The following GPLD1 variants were observed in gnomAD, a reference collection of about 807,000 sequenced individuals.
GPLD1 encodes the protein phosphatidylinositol-glycan-specific phospholipase D.
A neutral mutation model predicts 112.6 loss-of-function variants in GPLD1; 84 were observed. The observed-to-expected ratio is 0.75, with a 90% CI of 0.63 to 0.89. The LOEUF is 0.89. Among genes scored for constraint, GPLD1 ranks in the 40% least tolerant of loss-of-function variants. The pLI is 0.00. For synonymous variants in GPLD1, 386 were observed against 403.8 expected (o/e 0.96, Z 0.53); for missense variants, 1,044 against 1,051.5 (o/e 0.99, Z 0.10).
chr6:24,424,045 AAGCCCATAGGT>A (rs764529167), downstream of GPLD1: 8 of 161,352 alleles, frequency 5.0e-5, no homozygotes, highest in Non-Finnish European at 1.1e-4. Flanking sequence ...GGAACTTGAC[AAGCCCATAGGT>A]AGCTATAGTT....
In GPLD1 at chr6:24,467,257, T is replaced by A; in HGVS notation, c.563A>T (p.Asp188Val). Residue 188 changes from aspartate to valine, a missense_variant, in exon 8 of 25, where the codon GAT becomes GTT. Physicochemically the swap from Asp to Val is radical, Grantham distance 152. Transcript: ENST00000230036. ...LARRWYVPVK[D>V]LLGIYEKLYG... ...CAGTTTCTCATAAATTCCCAGTAGA[T>A]CTTTGACTGGCACATACCTGAAAAA... 2 of 1,586,674 alleles carry A rather than the reference T, an allele frequency of 1.3e-6. No individual in the cohort carries two copies. Among genetic ancestry groups the A allele is most frequent in the Non-Finnish European group, 1.7e-6 (2 of 1,155,072 alleles).
chr6:24,470,366 G>A (rs537769085), intron 7 of GPLD1, among the ~76,000 whole-genome samples: 3 of 152,212 alleles, frequency 2.0e-5, no homozygotes, highest in South Asian at 4.1e-4. Context: ...AATTCACAAG[G>A]TATCCTTTTG....
chr6:24,448,150 A>T lies in GPLD1; in HGVS notation c.1505T>A (p.Ile502Asn). Residue 502 changes from isoleucine to asparagine, a missense_variant, in exon 16 of 25, where the codon ATC (isoleucine) becomes AAC (asparagine). Ile to Asn is a moderately radical substitution (Grantham distance 149). Coordinates refer to ENST00000230036, the MANE Select transcript of GPLD1 (RefSeq NM_001503.4). ...TAAACATACCTGGCAAGAAATGGTG[A>T]TGTTAGGGGAAGAAGACATTCCTCC... ...KQGGMSSSPN[I>N]TISCQDIYCN... The T allele has an allele frequency of 6.2e-7, 1 of 1,611,664 alleles. No individual in the cohort carries two copies. Among genetic ancestry groups the T allele is most frequent in the Non-Finnish European group, 8.5e-7 (1 of 1,179,376 alleles).
intron 2 of GPLD1, among the ~76,000 whole-genome samples, chr6:24,485,393 G>A (rs373754090): frequency 2.6e-5 from 4 of 152,082 alleles, no homozygotes; most frequent in South Asian, 4.1e-4. Context: ...ACAAAAAGAT[G>A]TGTTCTTCTC....
chr6:24,437,061 C>G lies in GPLD1; in HGVS notation c.2197+52G>C, dbSNP rs1762601520. ...CAGATGACCCAATTAGGGGACCCAC[C>G]CCCTGGGCAAAGGGACTCAATTCTT... On this transcript the variant is annotated intron_variant, in intron 21 of 24. Transcript: ENST00000230036. 10 of 1,532,554 alleles carry G rather than the reference C, an allele frequency of 6.5e-6. No individual in the cohort carries two copies. The Admixed American group carries it at 1.7e-4, about 26-fold the overall frequency. 94.9% of individuals were successfully genotyped at this position (1,532,554 alleles called of 1,614,324 possible).
chr6:24,454,684 A>G (rs1026967684), intron 13 of GPLD1, among the ~76,000 whole-genome samples: 1 of 152,246 alleles, frequency 6.6e-6, no homozygotes, highest in Admixed American at 6.5e-5. Context: ...CCAAATCAAG[A>G]GTCCCACATG....
intron 12 of GPLD1, among the ~76,000 whole-genome samples, chr6:24,457,885 C>A (rs957038652): frequency 2.0e-5 from 3 of 149,946 alleles, no homozygotes; most frequent in South Asian, 2.1e-4. Flanking sequence ...AAAAAAAAAA[C>A]GATATCCTCC....
rs939102732 is a variant in GPLD1 at position 24,433,296 on chromosome 6, T to C, written c.2386-59A>G. 5 of 1,585,360 alleles carry C rather than the reference T, an allele frequency of 3.2e-6. No individual in the cohort carries two copies. In the South Asian group the frequency reaches 5.5e-5, roughly 18 times the overall value. On this transcript the variant is annotated intron_variant, in intron 23 of 24. Coordinates refer to ENST00000230036, the MANE Select transcript of GPLD1 (RefSeq NM_001503.4). Reference sequence around the variant, plus strand: ...AGAACATAGTGTAATACTTTATCCGTTTAAAATAAACCAAGGGGCATTGTT... The same window carrying C: ...AGAACATAGTGTAATACTTTATCCGCTTAAAATAAACCAAGGGGCATTGTT...
intron 13 of GPLD1, among the ~76,000 whole-genome samples, chr6:24,455,361 A>T (rs966191386): frequency 1.3e-5 from 2 of 152,216 alleles, no homozygotes; most frequent in African/African-American, 4.8e-5. Context: ...CCTGCACTAG[A>T]GCTGAATGCA....
chr6:24,468,989 T>C (rs971582036), intron 7 of GPLD1, among the ~76,000 whole-genome samples: 4 of 152,258 alleles, frequency 2.6e-5, no homozygotes, highest in Admixed American at 1.3e-4. Context: ...TGGTTTACAG[T>C]ATAAAGCAAT....
chr6:24,429,758 G>C (rs1329313917), intron 24 of GPLD1, among the ~76,000 whole-genome samples: 2 of 152,164 alleles, frequency 1.3e-5, no homozygotes. Context: ...ATGTTGGCCA[G>C]GCTGGTCTCG....
In GPLD1 at chr6:24,433,389, C is replaced by T; in HGVS notation, c.2359G>A (p.Ala787Thr). ...SWITPCPEEK[A>T]QYVLISPEAS... is the part of the protein sequence containing the mutation. ...TCAGGAGAAATCAATACATATTGGG[C>T]CTGAAGAAAAAAATTGAGGAGAGAG... The change falls in exon 23 of 25, where the codon GCC becomes ACC. Residue 787 changes from alanine (A) to threonine (T), a missense_variant and splice_region_variant. By Grantham distance (58) the Ala-to-Thr change is moderately conservative. Coordinates refer to ENST00000230036, the MANE Select transcript of GPLD1 (RefSeq NM_001503.4). The T allele has an allele frequency of 6.2e-7, 1 of 1,606,356 alleles. No homozygotes were observed. The highest frequency in any genetic ancestry group is 8.5e-7 in the Non-Finnish European group (1 of 1,173,960).
chr6:24,491,456 T>C (rs936968421), upstream of GPLD1, among the ~76,000 whole-genome samples: 3 of 152,074 alleles, frequency 2.0e-5, no homozygotes, highest in African/African-American at 7.2e-5. Context: ...CCCAGCACTT[T>C]AGGAGGCCAA....
downstream of GPLD1, chr6:24,425,395 A>C (rs1013022590): frequency 6.6e-6 from 1 of 152,312 alleles, no homozygotes; most frequent in South Asian, 2.1e-4. Flanking sequence ...TTGATGAATC[A>C]TGTCAATAAA....
At chr6:24,489,727 T>TC (rs1764503433), upstream of GPLD1, 1 of 682,232 alleles carries the variant, frequency 1.5e-6, no homozygotes, top group Admixed American at 3.3e-5. Context: ...AACTCTGTGC[T>TC]CCTGGGGGGT....
intron 3 of GPLD1, among the ~76,000 whole-genome samples, chr6:24,477,244 A>G (rs9366571): frequency 2.7e-5 from 4 of 147,606 alleles, no homozygotes; most frequent in East Asian, 4.0e-4. Flanking sequence ...CTGGAAGCAG[A>G]AAGTCCCCCA....
At position 24,458,290 on chromosome 6, in the gene GPLD1, C is replaced by T. The variant is rs1763330044; in HGVS notation, c.1009-1653G>A. 1.3e-5 allele frequency among the ~76,000 whole-genome samples: 2 copies of T among 152,042 alleles called. 1 individual carries two copies. The highest frequency in any genetic ancestry group is 1.3e-4 in the Admixed American group (2 of 15,230). On this transcript the variant is annotated intron_variant, in intron 12 of 24. Coordinates refer to ENST00000230036, the MANE Select transcript of GPLD1 (RefSeq NM_001503.4). ...GGCACGAGTATGCCTTCTGCTTTGC[C>T]CATTCTAATCTCACTGGCAGGCCAT...
At chr6:24,444,855 AAAAT>A (rs1164185145) in intron 20 of GPLD1, among the ~76,000 whole-genome samples, 1 of 152,120 alleles carries the variant, frequency 6.6e-6, no homozygotes, top group Non-Finnish European at 1.5e-5. Context: ...TCAAAAAAGA[AAAAT>A]AAAAGATAGG....
chr6:24,475,923 C>T (rs1037715858), intron 4 of GPLD1, among the ~76,000 whole-genome samples: 40 of 151,922 alleles, frequency 2.6e-4, no homozygotes, highest in African/African-American at 9.2e-4. Flanking sequence ...CTTTTGGAAA[C>T]GTTTTACGAT....
Sources: gnomAD v4.1 joint callset for allele counts (sites outside exome capture counted in the v4.1 genomes callset) on GRCh38, gnomAD v4.1.1 for gene constraint, MANE v1.5 for transcripts, NCBI Gene and HGNC (gene_info 2026-07-23, HGNC 2026-07-21) for gene names.